The following FYB1 variants were observed in gnomAD, a reference collection of about 807,000 sequenced individuals.
FYB1 encodes the protein FYN-binding protein 1.
FYB1 carries 41 observed loss-of-function variants against 94.1 expected under a neutral mutation model. The observed-to-expected ratio is 0.44, with a 90% confidence interval of 0.34 to 0.57. The LOEUF (loss-of-function observed/expected upper bound fraction) is 0.57. Ranked by LOEUF, FYB1 falls within the 20% of genes least tolerant of loss-of-function variation. The pLI, the probability that FYB1 is intolerant of heterozygous loss-of-function variation, is 0.02. For synonymous variants in FYB1, 367 were observed against 353.2 expected, an observed-to-expected ratio of 1.04 and a Z score of -0.44; for missense variants, 1,050 against 976.8, an observed-to-expected ratio of 1.07 and a Z score of -1.00.
intron 1 of FYB1, among the ~76,000 whole-genome samples, chr5:39,233,638 G>A (rs1300397931): frequency 6.6e-6 from 1 of 152,088 alleles, no homozygotes; most frequent in Non-Finnish European, 1.5e-5. Flanking sequence ...TTTAGTGAGA[G>A]GCTTGGAATT....
chr5:39,179,540 T>A (rs964683888), intron 2 of FYB1, among the ~76,000 whole-genome samples: 1 of 106,868 alleles, frequency 9.4e-6, no homozygotes, highest in East Asian at 2.2e-4. Context: ...AAGCTTTTCT[T>A]CTTTTTTCTT....
At chr5:39,179,368 T>C (rs1312188457) in intron 2 of FYB1, among the ~76,000 whole-genome samples, 2 of 151,526 alleles carry the variant, frequency 1.3e-5, no homozygotes, top group South Asian at 2.1e-4. Context: ...AACAAGAAAA[T>C]GGGTAGAGTA....
At chr5:39,124,510 G>C (rs1054149315) in intron 12 of FYB1, among the ~76,000 whole-genome samples, 1 of 152,060 alleles carries the variant, frequency 6.6e-6, no homozygotes, top group Non-Finnish European at 1.5e-5. Context: ...AAAATGTCCA[G>C]AGTCAAGATA....
At chr5:39,141,415 A>G (rs1314507392) in intron 3 of FYB1, among the ~76,000 whole-genome samples, 2 of 152,184 alleles carry the variant, frequency 1.3e-5, no homozygotes, top group Admixed American at 6.5e-5. Context: ...TATGTTTCCC[A>G]TTATATTAGT....
At chr5:39,242,225 G>A (rs1751243549) in intron 1 of FYB1, among the ~76,000 whole-genome samples, 1 of 151,616 alleles carries the variant, frequency 6.6e-6, no homozygotes, top group Non-Finnish European at 1.5e-5. Context: ...GTGCCATGTT[G>A]GTGTGCTGCA....
intron 3 of FYB1, among the ~76,000 whole-genome samples, chr5:39,153,133 A>T (rs1743397912): frequency 1.3e-5 from 2 of 152,192 alleles, no homozygotes; most frequent in Admixed American, 6.5e-5. Context: ...AGATGTTGAT[A>T]GTGGAGGAGT....
intron 1 of FYB1, among the ~76,000 whole-genome samples, chr5:39,204,031 C>T (rs1748616711): frequency 6.6e-6 from 1 of 152,084 alleles, no homozygotes; most frequent in South Asian, 2.1e-4. Context: ...GACAATTTCC[C>T]TTTTCATGCT....
At chr5:39,157,058 C>T (rs969257896) in intron 2 of FYB1, among the ~76,000 whole-genome samples, 3 of 152,010 alleles carry the variant, frequency 2.0e-5, no homozygotes, top group Non-Finnish European at 4.4e-5. Context: ...TATAACAGCC[C>T]TATGGGGGTA....
chr5:39,136,917 A>G (rs1741722253), intron 7 of FYB1, among the ~76,000 whole-genome samples: 1 of 152,220 alleles, frequency 6.6e-6, no homozygotes, highest in South Asian at 2.1e-4. Flanking sequence ...TATGTCTGAC[A>G]TGCCAGACCC....
chr5:39,135,898 A>G (rs934194343), intron 7 of FYB1, among the ~76,000 whole-genome samples: 1 of 152,038 alleles, frequency 6.6e-6, no homozygotes, highest in African/African-American at 2.4e-5. Context: ...GTTTTGACAG[A>G]CTTTTGAGTT....
intron 1 of FYB1, among the ~76,000 whole-genome samples, chr5:39,215,764 T>A (rs939750407): frequency 1.1e-4 from 17 of 152,290 alleles, no homozygotes; most frequent in African/African-American, 4.1e-4. Flanking sequence ...GGAATGCAGA[T>A]GTTGGTTGCT....
At chr5:39,198,652 A>G (rs1440925954) in intron 2 of FYB1, among the ~76,000 whole-genome samples, 1 of 152,170 alleles carries the variant, frequency 6.6e-6, no homozygotes, top group East Asian at 1.9e-4. Context: ...TTATTATAAA[A>G]TAGGCTTTGT....
At chr5:39,198,232 C>T (rs930466527) in intron 2 of FYB1, among the ~76,000 whole-genome samples, 8 of 152,194 alleles carry the variant, frequency 5.3e-5, no homozygotes, top group East Asian at 3.9e-4. Flanking sequence ...AGAGGTAAAG[C>T]GAAGGTCACA....
intron 2 of FYB1, among the ~76,000 whole-genome samples, chr5:39,178,598 A>G (rs1244160868): frequency 6.6e-6 from 1 of 152,216 alleles, no homozygotes; most frequent in Non-Finnish European, 1.5e-5. Flanking sequence ...TAATGTGGAG[A>G]GAGACGAAAA....
chr5:39,196,306 T>A (rs1747834249), intron 2 of FYB1, among the ~76,000 whole-genome samples: 1 of 151,606 alleles, frequency 6.6e-6, no homozygotes, highest in African/African-American at 2.4e-5. Context: ...CCTCCTGGGT[T>A]CAAATGATTC....
intron 2 of FYB1, among the ~76,000 whole-genome samples, chr5:39,172,684 G>A (rs1745356084): frequency 2.6e-5 from 4 of 152,106 alleles, no homozygotes; most frequent in Admixed American, 2.6e-4. Context: ...TTACTTATAA[G>A]TGAGAACATA....
chr5:39,188,689 G>T (rs569207722), intron 2 of FYB1, among the ~76,000 whole-genome samples: 1 of 151,798 alleles, frequency 6.6e-6, no homozygotes, highest in Middle Eastern at 3.2e-3. Flanking sequence ...CTGCCACCAC[G>T]CCCGGCTAAT....
At chr5:39,216,162 CTGTTGT>C (rs1305636924) in intron 1 of FYB1, among the ~76,000 whole-genome samples, 2 of 152,168 alleles carry the variant, frequency 1.3e-5, no homozygotes, top group Non-Finnish European at 2.9e-5. Context: ...GAATAGATTT[CTGTTGT>C]TGTAAGCTGC....
In FYB1 at chr5:39,209,532, G is replaced by A. The variant is rs147834297; in HGVS notation, c.-27-6545C>T. Among the ~76,000 whole-genome samples, 967 of 152,128 alleles carry A rather than the reference G, an allele frequency of 6.4e-3. 5 individuals are homozygous for A. Among genetic ancestry groups the A allele is most frequent in the Non-Finnish European group, 0.011 (744 of 67,990 alleles). ...ATAGAGATGGGGTCTCACCATGTTG[G>A]CCAGGCTGGTCTTGAACTCCTGACC... On this transcript the variant is annotated intron_variant, in intron 1 of 18. Transcript: ENST00000512982.
Sources: gnomAD v4.1 joint callset for allele counts (sites outside exome capture counted in the v4.1 genomes callset) on GRCh38, gnomAD v4.1.1 for gene constraint, MANE v1.5 for transcripts, NCBI Gene and HGNC (gene_info 2026-07-23, HGNC 2026-07-21) for gene names.